Variants in EEPD1 observed in about 807,000 individuals in gnomAD.
The protein encoded by EEPD1 is endonuclease/exonuclease/phosphatase family domain-containing protein 1.
EEPD1 carries 17 observed loss-of-function variants against 46.3 expected under a neutral mutation model. That is an observed-to-expected ratio of 0.37 (90% confidence interval 0.25 to 0.55). EEPD1 has a LOEUF of 0.55. Ranked by LOEUF, EEPD1 falls within the 20% of genes least tolerant of loss-of-function variation. The probability of loss-of-function intolerance (pLI) is 0.83; values close to 1 mark genes in which losing one functional copy is unlikely to be tolerated. For synonymous variants in EEPD1, 313 were observed against 315.6 expected (o/e 0.99, Z 0.09); for missense variants, 673 against 745.6 (o/e 0.90, Z 1.13).
chr7:36,285,224 C>G (rs917503907), intron 5 of EEPD1, among the ~76,000 whole-genome samples: 2 of 152,214 alleles, frequency 1.3e-5, no homozygotes, highest in African/African-American at 2.4e-5. Flanking sequence ...TGATCCTTCA[C>G]CTTCCTGGCA....
intron 3 of EEPD1, among the ~76,000 whole-genome samples, chr7:36,259,507 A>G (rs565766172): frequency 2.2e-4 from 34 of 152,034 alleles, no homozygotes; most frequent in Middle Eastern, 3.4e-3. Flanking sequence ...AATTATTCAT[A>G]TATATAATTT....
intron 2 of EEPD1, among the ~76,000 whole-genome samples, chr7:36,197,902 T>A (rs1238394619): frequency 6.0e-5 from 9 of 149,680 alleles, no homozygotes; most frequent in Middle Eastern, 3.4e-3. Flanking sequence ...AAAAAAAAAA[T>A]AAAAAAATAA....
At chr7:36,167,498 C>T (rs1427470163) in intron 2 of EEPD1, among the ~76,000 whole-genome samples, 3 of 152,170 alleles carry the variant, frequency 2.0e-5, no homozygotes, top group African/African-American at 7.2e-5. Flanking sequence ...CCTTGCACTT[C>T]TCTCCTTCAG....
At chr7:36,182,856 T>C (rs1785298869) in intron 2 of EEPD1, among the ~76,000 whole-genome samples, 1 of 152,260 alleles carries the variant, frequency 6.6e-6, no homozygotes, top group African/African-American at 2.4e-5. Flanking sequence ...TTGGGTCTTT[T>C]CATGCTTTGT....
intron 2 of EEPD1, among the ~76,000 whole-genome samples, chr7:36,181,314 G>A (rs1304190314): frequency 1.3e-5 from 2 of 152,110 alleles, no homozygotes; most frequent in African/African-American, 4.8e-5. Flanking sequence ...TGCTGTCAGT[G>A]TGCACAGATG....
At chr7:36,249,269 T>C (rs568971300) in intron 3 of EEPD1, among the ~76,000 whole-genome samples, 3 of 152,248 alleles carry the variant, frequency 2.0e-5, no homozygotes, top group African/African-American at 7.2e-5. Context: ...TGATGTGTAA[T>C]GGTGAAGTTG....
chr7:36,229,656 C>G (rs931049184), intron 2 of EEPD1, among the ~76,000 whole-genome samples: 1 of 152,184 alleles, frequency 6.6e-6, no homozygotes, highest in Non-Finnish European at 1.5e-5. Flanking sequence ...TCCAATGCCA[C>G]CAGCCTTTGC....
At chr7:36,187,886 T>C (rs1477890415) in intron 2 of EEPD1, among the ~76,000 whole-genome samples, 1 of 152,196 alleles carries the variant, frequency 6.6e-6, no homozygotes. Context: ...AACCTCTGCC[T>C]CCTGAGTTCA....
intron 3 of EEPD1, among the ~76,000 whole-genome samples, chr7:36,272,044 G>A (rs1018171531): frequency 2.0e-4 from 31 of 151,876 alleles, no homozygotes; most frequent in Admixed American, 8.5e-4. Flanking sequence ...ACAACGCCCC[G>A]CTAATTTTTT....
At chr7:36,245,153 G>T (rs1786617398) in intron 3 of EEPD1, among the ~76,000 whole-genome samples, 1 of 151,902 alleles carries the variant, frequency 6.6e-6, no homozygotes, top group Admixed American at 6.6e-5. Context: ...TCACCATGTT[G>T]GCCAGGCTGG....
At chr7:36,207,506 A>G (rs150997474) in intron 2 of EEPD1, among the ~76,000 whole-genome samples, 1 of 152,268 alleles carries the variant, frequency 6.6e-6, no homozygotes, top group East Asian at 1.9e-4. Flanking sequence ...TTCACAGGAG[A>G]TGGGGCTGGA....
intron 2 of EEPD1, among the ~76,000 whole-genome samples, chr7:36,171,731 A>G (rs1391987764): frequency 6.6e-6 from 1 of 152,210 alleles, no homozygotes; most frequent in East Asian, 1.9e-4. Context: ...TGGGAAGTGT[A>G]CCTATATATA....
Position 36,293,824 on chromosome 7 carries a change from C to T in EEPD1, c.1316-3169C>T, listed in dbSNP as rs553973442. Among the ~76,000 whole-genome samples the T allele has an allele frequency of 1.2e-3, 187 of 152,100 alleles. 3 individuals carry two copies. The highest frequency in any genetic ancestry group is 7.1e-3 in the South Asian group (34 of 4,822). ...ACTAAAAATACAAAAATTAGCCAGGCGCAGTGGCACACATCTGTAATCCCA... is the reference window on the plus strand; with the variant it reads ...ACTAAAAATACAAAAATTAGCCAGGTGCAGTGGCACACATCTGTAATCCCA... On this transcript the variant is annotated intron_variant, in intron 6 of 7. Transcript: ENST00000242108.
chr7:36,167,823 C>T (rs1785011635), intron 2 of EEPD1, among the ~76,000 whole-genome samples: 1 of 152,162 alleles, frequency 6.6e-6, no homozygotes, highest in Non-Finnish European at 1.5e-5. Context: ...TCAAGCGATT[C>T]TCCTGCCTCA....
chr7:36,187,397 CTTCCCA>C (rs1255348686), intron 2 of EEPD1, among the ~76,000 whole-genome samples: 2 of 152,184 alleles, frequency 1.3e-5, no homozygotes, highest in African/African-American at 4.8e-5. Context: ...TAAACACTAA[CTTCCCA>C]TTCCCCATCT....
chr7:36,155,141 G>A lies in EEPD1; in HGVS notation c.817G>A (p.Val273Met), dbSNP rs540375594. The A allele has an allele frequency of 3.6e-5, 55 of 1,531,324 alleles. No homozygotes were observed. In the South Asian group the frequency reaches 6.0e-4, roughly 17 times the overall value. The allele number at this position is 1,531,324 out of a possible 1,614,324, so 94.9% of individuals were successfully genotyped here. A position where few individuals can be genotyped will look rare whatever the true frequency, so the allele number is the denominator to read the frequency against. ...CACCTGGAACTTGCAGGGCTGTTCCGTGGAGAAGGCCAACAACCCCGGGGT... is the reference window on the plus strand; with the variant it reads ...CACCTGGAACTTGCAGGGCTGTTCCATGGAGAAGGCCAACAACCCCGGGGT... ...LATWNLQGCS[V>M]EKANNPGVRE... is the part of the protein sequence containing the mutation. The change falls in exon 2 of 8, where the codon GTG becomes ATG. Residue 273 changes from valine to methionine, a missense_variant. Val to Met is a conservative substitution (Grantham distance 21, BLOSUM62 1). Transcript: ENST00000242108.
chr7:36,290,456 G>C (rs920174426), intron 6 of EEPD1, among the ~76,000 whole-genome samples: 4 of 152,114 alleles, frequency 2.6e-5, no homozygotes, highest in Non-Finnish European at 4.4e-5. Context: ...GCCTGCCCAG[G>C]TCTAACAAGG....
chr7:36,268,989 A>T (rs1787064209), intron 3 of EEPD1, among the ~76,000 whole-genome samples: 1 of 152,230 alleles, frequency 6.6e-6, no homozygotes, highest in Non-Finnish European at 1.5e-5. Context: ...GAACTTAAGC[A>T]TTCAGGACAT....
chr7:36,277,855 G>T (rs1787204320), intron 3 of EEPD1, among the ~76,000 whole-genome samples: 2 of 64,656 alleles, frequency 3.1e-5, no homozygotes, highest in Non-Finnish European at 8.6e-5. Context: ...GCTGAGAGAG[G>T]TTATTAAAGG....
Sources: allele counts gnomAD v4.1 joint callset (sites outside exome capture counted in the v4.1 genomes callset), GRCh38; gene constraint gnomAD v4.1.1; transcripts MANE v1.5; gene names NCBI Gene and HGNC (gene_info 2026-07-23, HGNC 2026-07-21).